The following ALK variants were observed in gnomAD, a reference collection of about 807,000 sequenced individuals.
ALK encodes the protein ALK tyrosine kinase receptor.
Under a neutral mutation model 163.1 loss-of-function variants are expected in ALK, and 74 were observed. The ratio of observed to expected loss-of-function variants is 0.45; its 90% CI spans 0.38 to 0.55. The LOEUF (loss-of-function observed/expected upper bound fraction) is 0.55, where lower values mean the gene tolerates loss of function less well. Among genes scored for constraint, ALK ranks in the 20% least tolerant of loss-of-function variants. The pLI is 0.00. For missense variants in ALK, 2,063 were observed against 2,105.3 expected (o/e 0.98, Z 0.39); for synonymous variants, 960 against 843.2 (o/e 1.14, Z -2.40).
chr2:29,549,302 A>G (rs1438403862), intron 3 of ALK, among the ~76,000 whole-genome samples: 3 of 152,236 alleles, frequency 2.0e-5, no homozygotes, highest in Admixed American at 2.0e-4. Context: ...TCAAATGTCC[A>G]TATGTGGAAA....
chr2:29,802,153 G>A (rs1049983907), intron 1 of ALK, among the ~76,000 whole-genome samples: 1 of 151,928 alleles, frequency 6.6e-6, no homozygotes, highest in Non-Finnish European at 1.5e-5. Context: ...AGAAACCCAT[G>A]CATGTCTCCC....
At chr2:29,352,776 G>A (rs965264900) in intron 5 of ALK, among the ~76,000 whole-genome samples, 2 of 152,216 alleles carry the variant, frequency 1.3e-5, no homozygotes, top group Admixed American at 6.5e-5. Context: ...TGGGAAGTGG[G>A]CAGAGTCCAG....
At chr2:29,443,104 T>G (rs935194721) in intron 4 of ALK, among the ~76,000 whole-genome samples, 16 of 152,206 alleles carry the variant, frequency 1.1e-4, no homozygotes, top group Admixed American at 1.3e-4. Context: ...TTCCCATCCC[T>G]GTGGCATTTT....
chr2:29,679,801 C>A (rs953982779), intron 3 of ALK, among the ~76,000 whole-genome samples: 1 of 151,842 alleles, frequency 6.6e-6, no homozygotes, highest in Non-Finnish European at 1.5e-5. Flanking sequence ...CATTTCTCCC[C>A]GTGGATTCAA....
rs115435038 is a variant in ALK at position 29,586,319 on chromosome 2, C to T, written c.953-54203G>A. Among the ~76,000 whole-genome samples the T allele has an allele frequency of 8.0e-3, 1,214 of 151,552 alleles. 16 individuals carry two copies. Among genetic ancestry groups the T allele is most frequent in the African/African-American group, 0.027 (1,126 of 41,236 alleles). ...TTCTTATGTATTTATGGAAAATATGCTTGTGTTTCCATTTTGTTAAGTTTT... is the reference window on the plus strand; with the variant it reads ...TTCTTATGTATTTATGGAAAATATGTTTGTGTTTCCATTTTGTTAAGTTTT... On this transcript the variant is annotated intron_variant, in intron 3 of 28. Transcript: ENST00000389048.
chr2:29,859,647 G>A (rs903072563), intron 1 of ALK, among the ~76,000 whole-genome samples: 2 of 152,098 alleles, frequency 1.3e-5, no homozygotes, highest in Admixed American at 6.5e-5. Flanking sequence ...AAAAAATCAG[G>A]AGTGATTGGA....
At chr2:29,439,904 A>G (rs946729006) in intron 4 of ALK, among the ~76,000 whole-genome samples, 3 of 152,144 alleles carry the variant, frequency 2.0e-5, no homozygotes, top group African/African-American at 7.2e-5. Flanking sequence ...CTTTGAGTGA[A>G]TAAGCCATCC....
At position 29,785,653 on chromosome 2, in the gene ALK, G is replaced by A. The variant is rs190628363; in HGVS notation, c.668-67956C>T. ...AAGCAAAGCATACAAATGTGTGCAGGCTGCAAGGCTGAGACCAAGAAAGAA... is the reference window on the plus strand; with the variant it reads ...AAGCAAAGCATACAAATGTGTGCAGACTGCAAGGCTGAGACCAAGAAAGAA... On this transcript the variant is annotated intron_variant, in intron 1 of 28. Coordinates refer to ENST00000389048, the MANE Select transcript of ALK (RefSeq NM_004304.5). Among the ~76,000 whole-genome samples the A allele has an allele frequency of 4.6e-3, 699 of 152,260 alleles. 5 individuals are homozygous for A. Among genetic ancestry groups the A allele is most frequent in the African/African-American group, 0.016 (651 of 41,532 alleles).
intron 1 of ALK, among the ~76,000 whole-genome samples, chr2:29,821,076 G>A (rs1665034700): frequency 1.3e-5 from 2 of 152,216 alleles, no homozygotes; most frequent in African/African-American, 2.4e-5. Context: ...CTCCACTAGA[G>A]GAGGGGATCG....
At chr2:29,737,724 T>C (rs1015275447) in intron 1 of ALK, among the ~76,000 whole-genome samples, 6 of 152,062 alleles carry the variant, frequency 3.9e-5, no homozygotes, top group Admixed American at 6.5e-5. Flanking sequence ...AAAGAGTCTA[T>C]TGGGAAGCGT....
At chr2:29,671,411 T>C (rs1677684357) in intron 3 of ALK, among the ~76,000 whole-genome samples, 1 of 152,000 alleles carries the variant, frequency 6.6e-6, no homozygotes, top group African/African-American at 2.4e-5. Flanking sequence ...AGTTACAGAG[T>C]AGAGTTTCCA....
At chr2:29,693,423 A>G (rs932548778) in intron 3 of ALK, among the ~76,000 whole-genome samples, 43 of 150,466 alleles carry the variant, frequency 2.9e-4, no homozygotes, top group African/African-American at 1.1e-3. Context: ...ACACACACAC[A>G]CACACACACA....
intron 5 of ALK, among the ~76,000 whole-genome samples, chr2:29,360,835 G>A (rs1021114603): frequency 6.6e-6 from 1 of 152,192 alleles, no homozygotes; most frequent in African/African-American, 2.4e-5. Context: ...TGAGGTTTGT[G>A]CAAAGATGAG....
intron 4 of ALK, among the ~76,000 whole-genome samples, chr2:29,496,398 T>G (rs72794459): frequency 0.021 from 3,157 of 152,340 alleles, 62 homozygotes; most frequent in Non-Finnish European, 0.031. Context: ...TCAGGGTCAC[T>G]GCATATGGCA....
intron 3 of ALK, among the ~76,000 whole-genome samples, chr2:29,601,658 C>T (rs938404995): frequency 3.9e-5 from 6 of 151,932 alleles, no homozygotes; most frequent in East Asian, 3.9e-4. Context: ...TGAAGTGAGC[C>T]GTGGGAAGAG....
chr2:29,385,610 C>T (rs192225350), intron 4 of ALK, among the ~76,000 whole-genome samples: 1 of 152,132 alleles, frequency 6.6e-6, no homozygotes, highest in Non-Finnish European at 1.5e-5. Context: ...AGGCTGGTCT[C>T]CAATTCCTGG....
At chr2:29,284,543 T>G (rs994109747) in intron 9 of ALK, among the ~76,000 whole-genome samples, 1 of 152,226 alleles carries the variant, frequency 6.6e-6, no homozygotes, top group Admixed American at 6.5e-5. Context: ...AACATCCTGT[T>G]ATTTTAAAGA....
intron 5 of ALK, among the ~76,000 whole-genome samples, chr2:29,380,055 C>T (rs1441419574): frequency 6.6e-6 from 1 of 151,718 alleles, no homozygotes; most frequent in Non-Finnish European, 1.5e-5. Flanking sequence ...GCAGGCACAT[C>T]CTACACGGCT....
intron 4 of ALK, among the ~76,000 whole-genome samples, chr2:29,400,027 C>T (rs773648342): frequency 2.6e-5 from 4 of 152,166 alleles, no homozygotes; most frequent in Non-Finnish European, 5.9e-5. Flanking sequence ...GACCTTGAGG[C>T]CTCATCCATG....
Sources: allele counts gnomAD v4.1 joint callset (sites outside exome capture counted in the v4.1 genomes callset), GRCh38; gene constraint gnomAD v4.1.1; transcripts MANE v1.5; gene names NCBI Gene and HGNC (gene_info 2026-07-23, HGNC 2026-07-21).